The following RBFOX1 variants were observed in gnomAD, a reference collection of about 807,000 sequenced individuals.
RBFOX1 encodes RNA binding fox-1 homolog 1.
RBFOX1 carries 8 observed loss-of-function variants against 57.7 expected under a neutral mutation model. That is an observed-to-expected ratio of 0.14 (90% CI 0.08 to 0.25). The LOEUF is 0.25. Ranked by LOEUF, RBFOX1 falls within the 10% of genes least tolerant of loss-of-function variation. The pLI is 1.00. For missense variants in RBFOX1, 611 were observed against 548.5 expected (o/e 1.11, Z -1.14); for synonymous variants, 326 against 222.4 (o/e 1.47, Z -4.15).
At chr16:5,922,907 C>G (rs937289219) in intron 4 of RBFOX1, among the ~76,000 whole-genome samples, 2 of 152,140 alleles carry the variant, frequency 1.3e-5, no homozygotes, top group African/African-American at 4.8e-5. Flanking sequence ...TGCCTTTTTT[C>G]CTGGATATGC....
intron 4 of RBFOX1, among the ~76,000 whole-genome samples, chr16:7,516,692 A>G (rs932923078): frequency 6.6e-6 from 1 of 152,168 alleles, no homozygotes; most frequent in Non-Finnish European, 1.5e-5. Flanking sequence ...TGGAGGAGGG[A>G]AGAGCCTGAT....
chr16:6,797,885 C>G lies in RBFOX1; in HGVS notation c.-16+143235C>G, dbSNP rs1361939922. 2.6e-5 allele frequency among the ~76,000 whole-genome samples: 4 copies of G among 152,228 alleles called. No homozygotes were observed. The East Asian group carries it at 7.7e-4, about 29-fold the overall frequency. ...CCCATTTCTACTAACTGGTAGCTAG[C>G]TGACTTTTGGAAAGGTACTTAAACT... On this transcript the variant is annotated intron_variant, in intron 3 of 15. Transcript: ENST00000550418.
chr16:7,006,441 C>G (rs181615249), intron 3 of RBFOX1, among the ~76,000 whole-genome samples: 107 of 152,300 alleles, frequency 7.0e-4, no homozygotes, highest in Non-Finnish European at 1.4e-3. Context: ...GCTTGAGCCA[C>G]TGCGCCCGGC....
At chr16:7,417,248 C>T (rs1478729140) in intron 4 of RBFOX1, among the ~76,000 whole-genome samples, 1 of 151,614 alleles carries the variant, frequency 6.6e-6, no homozygotes, top group Non-Finnish European at 1.5e-5. Context: ...TGGTGTGTGC[C>T]TGTAACCACA....
intron 3 of RBFOX1, among the ~76,000 whole-genome samples, chr16:7,015,017 C>A (rs1355290424): frequency 6.6e-6 from 1 of 152,176 alleles, no homozygotes; most frequent in Admixed American, 6.5e-5. Flanking sequence ...AGCCACCGTG[C>A]TTAGCTTCTT....
intron 4 of RBFOX1, among the ~76,000 whole-genome samples, chr16:7,160,618 C>T (rs1402364374): frequency 6.6e-6 from 1 of 152,050 alleles, no homozygotes; most frequent in Non-Finnish European, 1.5e-5. Flanking sequence ...TTATGGCTTT[C>T]TTTTTTCAGT....
At chr16:5,396,198 A>C (rs537247251) in intron 1 of RBFOX1, among the ~76,000 whole-genome samples, 12 of 152,202 alleles carry the variant, frequency 7.9e-5, no homozygotes, top group Admixed American at 6.5e-5. Flanking sequence ...CCTCTTTGCA[A>C]TGGTTACGTG....
intron 4 of RBFOX1, among the ~76,000 whole-genome samples, chr16:5,949,002 ATG>A (rs780082053): frequency 1.9e-4 from 29 of 151,920 alleles, no homozygotes; most frequent in Non-Finnish European, 2.6e-4. Context: ...CTTTCTCTCT[ATG>A]TGTTTGTGTG....
intron 2 of RBFOX1, among the ~76,000 whole-genome samples, chr16:5,489,190 G>C (rs888094087): frequency 6.6e-6 from 1 of 152,210 alleles, no homozygotes; most frequent in Non-Finnish European, 1.5e-5. Context: ...ATTCCTAGGC[G>C]CAGTTGGCTT....
At chr16:5,500,120 C>T (rs1334504826) in intron 2 of RBFOX1, among the ~76,000 whole-genome samples, 1 of 98,770 alleles carries the variant, frequency 1.0e-5, no homozygotes, top group Non-Finnish European at 2.0e-5. Context: ...TCCCTTCCCT[C>T]CTTCCCTCCT....
intron 4 of RBFOX1, among the ~76,000 whole-genome samples, chr16:7,133,131 T>G (rs979998215): frequency 6.6e-6 from 1 of 152,238 alleles, no homozygotes. Flanking sequence ...ATGCAGGTTT[T>G]AATACCAAGA....
At chr16:6,870,076 A>C (rs979530065) in intron 3 of RBFOX1, among the ~76,000 whole-genome samples, 4 of 152,216 alleles carry the variant, frequency 2.6e-5, no homozygotes, top group African/African-American at 9.6e-5. Context: ...CTGACAATTT[A>C]CTAATCCTTC....
intron 4 of RBFOX1, among the ~76,000 whole-genome samples, chr16:7,150,650 A>G (rs2075934006): frequency 6.6e-6 from 1 of 152,234 alleles, no homozygotes; most frequent in South Asian, 2.1e-4. Flanking sequence ...TGTCTCCTCC[A>G]GGAAGAATTA....
At chr16:6,345,425 A>G (rs1293345445) in intron 2 of RBFOX1, among the ~76,000 whole-genome samples, 1 of 152,174 alleles carries the variant, frequency 6.6e-6, no homozygotes, top group Non-Finnish European at 1.5e-5. Context: ...GGTCATTTCC[A>G]GGTGTTGCCA....
intron 2 of RBFOX1, among the ~76,000 whole-genome samples, chr16:6,340,046 G>A (rs368345555): frequency 1.6e-4 from 25 of 152,166 alleles, no homozygotes; most frequent in African/African-American, 5.8e-4. Context: ...AGGAACAATG[G>A]GGATGCAAAA....
At chr16:5,392,660 A>G (rs1317560295) in intron 1 of RBFOX1, among the ~76,000 whole-genome samples, 2 of 151,734 alleles carry the variant, frequency 1.3e-5, no homozygotes, top group Non-Finnish European at 2.9e-5. Flanking sequence ...TCCTATGTCC[A>G]AGGAGATTTT....
At chr16:7,629,918 T>G (rs1309397444) in intron 10 of RBFOX1, among the ~76,000 whole-genome samples, 1 of 152,194 alleles carries the variant, frequency 6.6e-6, no homozygotes, top group African/African-American at 2.4e-5. Flanking sequence ...GATTCTCTCA[T>G]CCAGTGTCCA....
At chr16:6,524,728 C>A (rs1013846556) in intron 2 of RBFOX1, among the ~76,000 whole-genome samples, 4 of 152,106 alleles carry the variant, frequency 2.6e-5, no homozygotes, top group Admixed American at 2.6e-4. Context: ...AGAAGGAAAC[C>A]TACCTGGCTT....
intron 3 of RBFOX1, among the ~76,000 whole-genome samples, chr16:5,805,414 C>T (rs2055193907): frequency 6.6e-6 from 1 of 152,210 alleles, no homozygotes; most frequent in African/African-American, 2.4e-5. Flanking sequence ...TTCTGATCCT[C>T]AATTCCCTCA....
Sources: allele counts gnomAD v4.1 joint callset (sites outside exome capture counted in the v4.1 genomes callset), GRCh38; gene constraint gnomAD v4.1.1; transcripts MANE v1.5; gene names NCBI Gene and HGNC (gene_info 2026-07-23, HGNC 2026-07-21).